The following DTD1 variants were observed in gnomAD, a reference collection of about 807,000 sequenced individuals.
DTD1 encodes D-aminoacyl-tRNA deacylase 1.
DTD1 carries 13 observed loss-of-function variants against 25.6 expected under a neutral mutation model. The observed-to-expected ratio is 0.51, with a 90% CI of 0.33 to 0.81. The LOEUF is 0.81. Ranked by LOEUF, DTD1 falls within the 30% of genes least tolerant of loss-of-function variation. DTD1 has a pLI of 0.02. For synonymous variants in DTD1, 110 were observed against 103.6 expected, an observed-to-expected ratio of 1.06 and a Z score of -0.37; for missense variants, 193 against 266.4, an observed-to-expected ratio of 0.72 and a Z score of 1.92.
At chr20:18,593,009 A>G (rs1160824716) in intron 1 of DTD1, among the ~76,000 whole-genome samples, 5 of 152,092 alleles carry the variant, frequency 3.3e-5, no homozygotes, top group African/African-American at 1.2e-4. Flanking sequence ...CTACCATTTG[A>G]GGTATCGTCT....
chr20:18,753,391 T>C (rs2061327821), intron 5 of DTD1, among the ~76,000 whole-genome samples: 1 of 152,082 alleles, frequency 6.6e-6, no homozygotes, highest in South Asian at 2.1e-4. Flanking sequence ...GTGGATCACC[T>C]GAGGTCAGGA....
intron 4 of DTD1, among the ~76,000 whole-genome samples, chr20:18,705,554 G>T (rs760505727): frequency 7.9e-5 from 12 of 152,144 alleles, no homozygotes; most frequent in Admixed American, 1.3e-4. Context: ...GGTAGTGGTG[G>T]GTGAGTGCCT....
chr20:18,630,372 G>C (rs1368478131), intron 4 of DTD1: 3 of 151,730 alleles, frequency 2.0e-5, no homozygotes, highest in Admixed American at 2.0e-4. Context: ...TTGTTTGTTT[G>C]TTTTTCAGAC....
intron 4 of DTD1, among the ~76,000 whole-genome samples, chr20:18,629,990 A>G (rs910319015): frequency 3.3e-5 from 5 of 152,062 alleles, no homozygotes; most frequent in Admixed American, 1.3e-4. Context: ...TTCCAATTCA[A>G]CATGAGATTT....
chr20:18,746,771 C>T lies in DTD1; in HGVS notation c.*19+2500C>T, dbSNP rs548057084. Among the ~76,000 whole-genome samples the T allele has an allele frequency of 8.5e-5, 13 of 152,234 alleles. No individual in the cohort carries two copies. In the East Asian group the frequency reaches 9.7e-4, roughly 11 times the overall value. ...ACCAGCTCCCAAATGGATACACAGACGAGAGGAACAGAATGGAGAGCTCAG... is the reference window on the plus strand; with the variant it reads ...ACCAGCTCCCAAATGGATACACAGATGAGAGGAACAGAATGGAGAGCTCAG... On this transcript the variant is annotated intron_variant, in intron 5 of 5. Transcript: ENST00000377452.
At chr20:18,683,589 G>A (rs2122417270) in intron 4 of DTD1, among the ~76,000 whole-genome samples, 1 of 152,312 alleles carries the variant, frequency 6.6e-6, no homozygotes, top group East Asian at 1.9e-4. Context: ...GTCTGTGTAA[G>A]TGCAGGTTGA....
intron 5 of DTD1, among the ~76,000 whole-genome samples, chr20:18,761,502 A>G (rs1341051709): frequency 6.6e-6 from 1 of 152,220 alleles, no homozygotes; most frequent in Non-Finnish European, 1.5e-5. Flanking sequence ...ATCTTTTAAC[A>G]GAATATCTTT....
intron 4 of DTD1, among the ~76,000 whole-genome samples, chr20:18,663,889 G>T (rs2060921281): frequency 6.6e-6 from 1 of 152,166 alleles, no homozygotes; most frequent in Non-Finnish European, 1.5e-5. Flanking sequence ...GAACAGCGTG[G>T]GGGAAAGTGC....
intron 5 of DTD1, among the ~76,000 whole-genome samples, chr20:18,758,404 C>A (rs1036146624): frequency 3.3e-5 from 5 of 151,952 alleles, no homozygotes; most frequent in Non-Finnish European, 7.4e-5. Context: ...GTCTTGTGGG[C>A]ATTTAGTGGT....
In DTD1 at chr20:18,740,562, A is replaced by C. The variant is rs147901380; in HGVS notation, c.478-3538A>C. ...AGCTTACCACAATTTACTGCAGAACACCAATTTCAAGATATTTGGATTTTA... is the reference window on the plus strand; with the variant it reads ...AGCTTACCACAATTTACTGCAGAACCCCAATTTCAAGATATTTGGATTTTA... On this transcript the variant is annotated intron_variant, in intron 4 of 5. Transcript: ENST00000377452. Among the ~76,000 whole-genome samples, 800 of 152,308 alleles carry C rather than the reference A, an allele frequency of 5.3e-3. 6 individuals carry two copies. Among genetic ancestry groups the C allele is most frequent in the South Asian group, 0.035 (169 of 4,822 alleles).
In DTD1 at chr20:18,622,204, G is replaced by A. The variant is rs537931308; in HGVS notation, c.371-5923G>A. On this transcript the variant is annotated intron_variant, in intron 3 of 5. Transcript: ENST00000377452. The stretch of plus-strand genomic sequence containing the variant: ...TAGGCTTTAAGCCCTGCATGCATTA[G>A]GTATTTGCCCTAATGATCTCCCTCC... Among the ~76,000 whole-genome samples the A allele has an allele frequency of 2.6e-5, 4 of 152,242 alleles. No homozygotes were observed. The South Asian group carries it at 6.2e-4, about 24-fold the overall frequency.
chr20:18,608,866 T>G (rs1021053030), intron 3 of DTD1, among the ~76,000 whole-genome samples: 1 of 152,240 alleles, frequency 6.6e-6, no homozygotes, highest in African/African-American at 2.4e-5. Flanking sequence ...TGTGAAGACT[T>G]TAAGGGCGTC....
intron 5 of DTD1, among the ~76,000 whole-genome samples, chr20:18,761,309 G>T (rs896949104): frequency 1.3e-5 from 2 of 152,082 alleles, no homozygotes; most frequent in Non-Finnish European, 1.5e-5. Flanking sequence ...CGTCTTCTGC[G>T]TGGCTCACAC....
chr20:18,606,880 A>C (rs897005424), intron 3 of DTD1, among the ~76,000 whole-genome samples: 1 of 151,196 alleles, frequency 6.6e-6, no homozygotes, highest in African/African-American at 2.4e-5. Flanking sequence ...ATACATATGT[A>C]ACTAACCTGC....
chr20:18,742,490 A>G lies in DTD1; in HGVS notation c.478-1610A>G, dbSNP rs1432297866. On this transcript the variant is annotated intron_variant, in intron 4 of 5. Coordinates refer to ENST00000377452, the MANE Select transcript of DTD1 (RefSeq NM_080820.6). ...TATCACCTGAGCTCCGCCTCCTGTC[A>G]GATCAGCAGTGGCCTTAGATTCTCA... 2.0e-5 allele frequency among the ~76,000 whole-genome samples: 3 copies of G among 152,180 alleles called. No individual in the cohort carries two copies. The East Asian group carries it at 5.8e-4, about 29-fold the overall frequency.
intron 3 of DTD1, among the ~76,000 whole-genome samples, chr20:18,606,967 A>G (rs1469466308): frequency 6.6e-6 from 1 of 151,844 alleles, no homozygotes; most frequent in Non-Finnish European, 1.5e-5. Context: ...GAGAGTTTCT[A>G]TCATGACTGG....
chr20:18,612,304 G>C lies in DTD1; in HGVS notation c.371-15823G>C, dbSNP rs541571409. 2.6e-5 allele frequency among the ~76,000 whole-genome samples: 4 copies of C among 152,218 alleles called. No homozygotes were observed. The South Asian group carries it at 8.3e-4, about 32-fold the overall frequency. On this transcript the variant is annotated intron_variant, in intron 3 of 5. Coordinates refer to ENST00000377452, the MANE Select transcript of DTD1 (RefSeq NM_080820.6). ...CCGCCTCGGCCTCCCAAAGTGCTGG[G>C]ATTACAGGGGTGAGCCACCGCGCCT...
chr20:18,673,587 A>C (rs1421068176), intron 4 of DTD1, among the ~76,000 whole-genome samples: 1 of 152,212 alleles, frequency 6.6e-6, no homozygotes, highest in Non-Finnish European at 1.5e-5. Context: ...TTATCTTCAA[A>C]AGCACTTCTA....
At chr20:18,629,932 C>G (rs1490999295) in intron 4 of DTD1, among the ~76,000 whole-genome samples, 1 of 151,996 alleles carries the variant, frequency 6.6e-6, no homozygotes, top group Non-Finnish European at 1.5e-5. Flanking sequence ...GAAGTCTACC[C>G]CCATGATCCA....
Sources: gnomAD v4.1 joint callset for allele counts (sites outside exome capture counted in the v4.1 genomes callset) on GRCh38, gnomAD v4.1.1 for gene constraint, MANE v1.5 for transcripts, NCBI Gene and HGNC (gene_info 2026-07-23, HGNC 2026-07-21) for gene names.